Variants in TECPR1 observed in about 807,000 individuals in gnomAD.
TECPR1 encodes tectonin beta-propeller repeat-containing protein 1.
In TECPR1, 122 loss-of-function variants were observed where a neutral mutation model predicts 162.4. The observed-to-expected ratio is 0.75, with a 90% confidence interval of 0.65 to 0.87. The LOEUF is 0.87. Ranked by LOEUF, TECPR1 falls within the 40% of genes least tolerant of loss-of-function variation. TECPR1 has a pLI of 0.00. For synonymous variants in TECPR1, 642 were observed against 670.6 expected (o/e 0.96, Z 0.66); for missense variants, 1,432 against 1,618.2 (o/e 0.88, Z 1.97).
chr7:98,219,296 A>AC (rs1798088534), intron 23 of TECPR1, among the ~76,000 whole-genome samples: 1 of 152,196 alleles, frequency 6.6e-6, no homozygotes, highest in Admixed American at 6.5e-5. Flanking sequence ...TATAAAAAAA[A>AC]CCTAGGAAAA....
At position 98,233,875 on chromosome 7, in the gene TECPR1, A is replaced by G. The variant is rs777572002; in HGVS notation, c.1218T>C (p.Ser406=). ...GCFFGDEVRG[S]GESAPSDTDA... Reference sequence around the variant, plus strand: ...CGGTGTCGCTGGGGGCAGACTCGCCACTACCCCTCACCTCATCACCGAAGA... The same window carrying G: ...CGGTGTCGCTGGGGGCAGACTCGCCGCTACCCCTCACCTCATCACCGAAGA... Residue 406 remains serine (S), a synonymous_variant, in exon 11 of 26, where the codon AGT becomes AGC. Coordinates refer to ENST00000447648, the MANE Select transcript of TECPR1 (RefSeq NM_015395.3). 1 of 1,552,512 alleles carries G rather than the reference A, an allele frequency of 6.4e-7. No individual in the cohort carries two copies. The highest frequency in any genetic ancestry group is 1.2e-5 in the South Asian group (1 of 84,370).
intron 8 of TECPR1, 102 bp from the exon 9 acceptor site, chr7:98,238,712 G>C: frequency 1.0e-6 from 1 of 984,630 alleles, no homozygotes; most frequent in Non-Finnish European, 1.6e-6. Context: ...TTGATCCTTT[G>C]GTTCACGTCG....
At chr7:98,248,453 C>A (rs924184373) in intron 2 of TECPR1, among the ~76,000 whole-genome samples, 1 of 134,132 alleles carries the variant, frequency 7.5e-6, no homozygotes. Flanking sequence ...CAGAGCCATG[C>A]GGGTGCTCCA....
chr7:98,231,163 G>A lies in TECPR1; in HGVS notation c.2125-45C>T, dbSNP rs779469398. 24 of 1,606,754 alleles carry A rather than the reference G, an allele frequency of 1.5e-5. 1 individual carries two copies. The Middle Eastern group carries it at 4.9e-4, about 33-fold the overall frequency. ...GTCACTGCTGAGCAGGCCAGGCCAG[G>A]CCAGGCCACCCCACCATGGCTATCC... On this transcript the variant is annotated intron_variant, in intron 14 of 25. Transcript: ENST00000447648.
intron 2 of TECPR1, chr7:98,251,106 G>A (rs1799053279): frequency 6.6e-6 from 1 of 152,214 alleles, no homozygotes; most frequent in African/African-American, 2.4e-5. Flanking sequence ...GAAGCCCCAT[G>A]ATTCAGGGAT....
Position 98,217,143 on chromosome 7 carries a change from C to A in TECPR1, c.*247G>T. On this transcript the variant is annotated 3_prime_UTR_variant, in exon 26 of 26. Transcript: ENST00000447648. ...GGGAGGGGCCTCTGGGAGGTGCAGC[C>A]CCACCCCATGCCCCACACCCCGGGA... 4.3e-6 allele frequency: 2 copies of A among 468,994 alleles called. No homozygotes were observed. Among genetic ancestry groups the A allele is most frequent in the East Asian group, 3.5e-5 (1 of 28,376 alleles). 29.1% of individuals were successfully genotyped at this position (468,994 alleles called of 1,614,324 possible).
Position 98,229,113 on chromosome 7 carries a change from C to T in TECPR1, c.2336G>A (p.Gly779Asp). 1 of 1,572,582 alleles carries T rather than the reference C, an allele frequency of 6.4e-7. No individual in the cohort carries two copies. Among genetic ancestry groups the T allele is most frequent in the Non-Finnish European group, 8.6e-7 (1 of 1,159,946 alleles). The change falls in exon 16 of 26, where the codon GGC becomes GAC. Residue 779 changes from glycine (G) to aspartate (D), a missense_variant. Transcript: ENST00000447648. ...GTCATAGCCGATGCCCCACACCACG[C>T]CCCGGCTGTTGGCCTCCACCATCCG... is the stretch of plus-strand genomic sequence containing the variant. ...HLRMVEANSR[G>D]VVWGIGYDHT...
In TECPR1 at chr7:98,241,030, C is replaced by G; in HGVS notation, c.832+40G>C. ...GAGCGAGTGACCCTCACCCTTCTCC[C>G]CAGTACAGGGTATGTGGGTGGGGGA... On this transcript the variant is annotated intron_variant, in intron 7 of 25. Coordinates refer to ENST00000447648, the MANE Select transcript of TECPR1 (RefSeq NM_015395.3). This position sits in a 1 kb window ranked among gnomAD's most constrained non-coding sequence, Gnocchi z 5.0. 1.3e-6 allele frequency: 2 copies of G among 1,591,112 alleles called. No homozygotes were observed. Among genetic ancestry groups the G allele is most frequent in the South Asian group, 2.3e-5 (2 of 87,824 alleles).
chr7:98,220,799 G>A (rs1416961461), intron 23 of TECPR1, among the ~76,000 whole-genome samples: 7 of 151,832 alleles, frequency 4.6e-5, no homozygotes, highest in Admixed American at 3.3e-4. Flanking sequence ...CTTGTGATCC[G>A]CCTGCTCCGG....
In TECPR1 at chr7:98,236,801, A is replaced by C; in HGVS notation, c.1156T>G (p.Ser386Ala). Residue 386 changes from serine to alanine, a missense_variant, in exon 10 of 26, where the codon TCT becomes GCT. Transcript: ENST00000447648. ...IAARECDRSH[S>A]GSSSSLLSAG... The stretch of plus-strand genomic sequence containing the variant: ...CTGAGGAGACTAGACGAGCTGCCAG[A>C]GTGTGACCGGTCACACTCTCGGGCC... 6.3e-7 allele frequency: 1 copy of C among 1,589,886 alleles called. No homozygotes were observed. The highest frequency in any genetic ancestry group is 1.7e-4 in the Middle Eastern group (1 of 6,028).
At chr7:98,219,291 A>C (rs958589115) in intron 23 of TECPR1, among the ~76,000 whole-genome samples, 3 of 152,232 alleles carry the variant, frequency 2.0e-5, no homozygotes, top group Non-Finnish European at 4.4e-5. Flanking sequence ...AATTCTATAA[A>C]AAAAACCTAG....
At chr7:98,217,644 T>G (rs1017706816) in intron 25 of TECPR1, 48 bp downstream of exon 25, 3 of 1,519,552 alleles carry the variant, frequency 2.0e-6, no homozygotes, top group Admixed American at 4.0e-5. Context: ...CAGCACCCAG[T>G]GCAGGCACAA....
At chr7:98,237,381 C>T (rs985263744) in intron 9 of TECPR1, among the ~76,000 whole-genome samples, 1 of 151,814 alleles carries the variant, frequency 6.6e-6, no homozygotes, top group Admixed American at 6.6e-5. Context: ...GAAACCTCCG[C>T]CTCCAGGGCT....
chr7:98,224,688 C>T, intron 19 of TECPR1, 113 bp downstream of exon 19: 1 of 1,077,266 alleles, frequency 9.3e-7, no homozygotes, highest in Non-Finnish European at 1.3e-6. Flanking sequence ...GCTCCTTGGC[C>T]AGGCCTAGGG....
intron 22 of TECPR1, 66 bp downstream of exon 22, chr7:98,222,320 T>A: frequency 6.5e-7 from 1 of 1,550,064 alleles, no homozygotes; most frequent in Non-Finnish European, 8.7e-7. Flanking sequence ...CCAGAGGGGA[T>A]GTTCAGCAAA....
chr7:98,233,230 T>C, intron 11 of TECPR1, 191 bp downstream of exon 11: 1 of 893,132 alleles, frequency 1.1e-6, no homozygotes, highest in South Asian at 2.4e-5. Context: ...TTCCAGGTCC[T>C]GACAGCCTCG....
chr7:98,249,841 C>A (rs1799016229), intron 2 of TECPR1, among the ~76,000 whole-genome samples: 1 of 151,710 alleles, frequency 6.6e-6, no homozygotes, highest in African/African-American at 2.4e-5. Flanking sequence ...TCGCTTGAAC[C>A]TGGTAGGAGG....
intron 6 of TECPR1, among the ~76,000 whole-genome samples, chr7:98,242,924 CCATCCGCCCATCCACA>C (rs1429849990): frequency 6.2e-4 from 78 of 126,320 alleles, no homozygotes; most frequent in South Asian, 7.8e-4. Flanking sequence ...ATCCACACAC[CCATCCGCCCATCCACA>C]CACCCACCCA....
chr7:98,224,139 G>A (rs190538287), intron 19 of TECPR1, among the ~76,000 whole-genome samples: 207 of 152,306 alleles, frequency 1.4e-3, no homozygotes, highest in African/African-American at 4.6e-3. Flanking sequence ...GAGGCTGAGC[G>A]GAGGGTGGTC....
Sources: gnomAD v4.1 joint callset for allele counts (sites outside exome capture counted in the v4.1 genomes callset) on GRCh38, gnomAD v4.1.1 for gene constraint, Gnocchi (gnomAD v3.1) non-coding constraint, MANE v1.5 for transcripts, NCBI Gene and HGNC (gene_info 2026-07-23, HGNC 2026-07-21) for gene names.